The following MAML3 variants were observed in gnomAD, a reference collection of about 807,000 sequenced individuals.
The protein encoded by MAML3 is mastermind-like protein 3.
In MAML3, 27 loss-of-function variants were observed where a neutral mutation model predicts 101.9. The ratio of observed to expected loss-of-function variants is 0.27; its 90% confidence interval spans 0.20 to 0.37. The LOEUF is 0.37. Among genes scored for constraint, MAML3 ranks in the 10% least tolerant of loss-of-function variants. MAML3 has a pLI of 1.00. For missense variants in MAML3, 1,316 were observed against 1,444.9 expected, an observed-to-expected ratio of 0.91 and a Z score of 1.45; for synonymous variants, 501 against 555.9, an observed-to-expected ratio of 0.90 and a Z score of 1.39.
At chr4:139,969,955 C>T (rs138548371) in intron 1 of MAML3, among the ~76,000 whole-genome samples, 352 of 152,298 alleles carry the variant, frequency 2.3e-3, no homozygotes, top group Non-Finnish European at 3.8e-3. Flanking sequence ...ATCAAGTTTT[C>T]AGACCTTGAT....
chr4:140,078,155 C>A (rs1727806786), intron 1 of MAML3, among the ~76,000 whole-genome samples: 1 of 152,116 alleles, frequency 6.6e-6, no homozygotes, highest in African/African-American at 2.4e-5. Flanking sequence ...GTCCTTGTAA[C>A]AGGGTCTGAA....
chr4:140,117,141 G>C (rs1201773495), intron 1 of MAML3, among the ~76,000 whole-genome samples: 2 of 152,266 alleles, frequency 1.3e-5, no homozygotes, highest in East Asian at 3.9e-4. Context: ...GTGTGATCTG[G>C]GGTGATTTTT....
chr4:140,098,267 A>G (rs936949127), intron 1 of MAML3, among the ~76,000 whole-genome samples: 4 of 152,330 alleles, frequency 2.6e-5, no homozygotes, highest in Middle Eastern at 3.4e-3. Flanking sequence ...TCCGAGCTCT[A>G]TTACATACAA....
At chr4:140,084,134 G>T (rs1727913320) in intron 1 of MAML3, among the ~76,000 whole-genome samples, 1 of 152,120 alleles carries the variant, frequency 6.6e-6, no homozygotes, top group South Asian at 2.1e-4. Flanking sequence ...TTTATTGGAT[G>T]AATGCATGAA....
chr4:139,990,283 G>T (rs979452740), intron 1 of MAML3, among the ~76,000 whole-genome samples: 8 of 152,140 alleles, frequency 5.3e-5, no homozygotes, highest in Non-Finnish European at 1.0e-4. Flanking sequence ...CATATAAACA[G>T]AACCAAAGAC....
chr4:140,110,781 G>C (rs1728427391), intron 1 of MAML3, among the ~76,000 whole-genome samples: 1 of 152,168 alleles, frequency 6.6e-6, no homozygotes, highest in Non-Finnish European at 1.5e-5. Context: ...TTGAATGTCA[G>C]TCATTTCCAC....
intron 1 of MAML3, among the ~76,000 whole-genome samples, chr4:139,955,227 TG>T (rs944138570): frequency 4.6e-5 from 7 of 152,192 alleles, no homozygotes; most frequent in African/African-American, 1.7e-4. Flanking sequence ...GCTTATTCCC[TG>T]GGAAATAAAC....
chr4:140,098,947 A>G (rs1201069624), intron 1 of MAML3, among the ~76,000 whole-genome samples: 2 of 151,992 alleles, frequency 1.3e-5, no homozygotes, highest in Non-Finnish European at 2.9e-5. Context: ...TCTCTGACTC[A>G]TTTTTACTTT....
At chr4:140,059,464 G>T (rs565698348) in intron 1 of MAML3, among the ~76,000 whole-genome samples, 1 of 152,204 alleles carries the variant, frequency 6.6e-6, no homozygotes, top group African/African-American at 2.4e-5. Flanking sequence ...ATGTGCTCAG[G>T]AACAGCTGCT....
At chr4:140,122,668 TG>T (rs1728625377) in intron 1 of MAML3, among the ~76,000 whole-genome samples, 1 of 150,608 alleles carries the variant, frequency 6.6e-6, no homozygotes, top group Non-Finnish European at 1.5e-5. Flanking sequence ...GGCGGGCGCC[TG>T]TAGTCCCAGC....
intron 2 of MAML3, among the ~76,000 whole-genome samples, chr4:139,738,838 GT>G (rs1729054169): frequency 1.3e-5 from 2 of 152,210 alleles, no homozygotes; most frequent in Admixed American, 1.3e-4. Context: ...TTTCCTCCTA[GT>G]TTTATCCCAG....
intron 1 of MAML3, among the ~76,000 whole-genome samples, chr4:140,018,592 C>T (rs1190382130): frequency 1.3e-5 from 2 of 152,122 alleles, no homozygotes; most frequent in East Asian, 1.9e-4. Flanking sequence ...TTGCTTGCAG[C>T]CATGCTTACT....
chr4:139,898,329 AG>A (rs563230057), intron 1 of MAML3, among the ~76,000 whole-genome samples: 1 of 152,238 alleles, frequency 6.6e-6, no homozygotes, highest in Non-Finnish European at 1.5e-5. Context: ...GAGGACTCTA[AG>A]GGTCCAGGGA....
chr4:140,104,888 T>C (rs1289691943), intron 1 of MAML3, among the ~76,000 whole-genome samples: 1 of 152,172 alleles, frequency 6.6e-6, no homozygotes, highest in Non-Finnish European at 1.5e-5. Flanking sequence ...GATTTAAAGT[T>C]ACATATTTTT....
Position 139,730,430 on chromosome 4 carries a change from T to TCTGCTG in MAML3, c.2311_2316dup (p.Gln771_Gln772dup), listed in dbSNP as rs3051167. On this transcript the variant is annotated inframe_insertion, in exon 3 of 5. Transcript: ENST00000509479. ...GGGCATGTTACCTGTTCCGCCAAAATCTGCTGCTGCTGCTGCTGCTGCTGC... is the reference window on the plus strand; with the variant it reads ...GGGCATGTTACCTGTTCCGCCAAAATCTGCTGCTGCTGCTGCTGCTGCTGCTGCTGC... The TCTGCTG allele has an allele frequency of 4.8e-5, 70 of 1,456,192 alleles. No homozygotes were observed. The East Asian group carries it at 1.3e-3, about 28-fold the overall frequency. 90.2% of individuals were successfully genotyped at this position (1,456,192 alleles called of 1,614,324 possible).
intron 2 of MAML3, among the ~76,000 whole-genome samples, chr4:139,791,066 TTAGA>T (rs1328820122): frequency 2.6e-5 from 4 of 152,212 alleles, no homozygotes; most frequent in African/African-American, 4.8e-5. Context: ...TAAAGATAAC[TTAGA>T]TAGATATTTT....
At chr4:139,848,493 AAC>A in intron 2 of MAML3, among the ~76,000 whole-genome samples, 1 of 152,372 alleles carries the variant, frequency 6.6e-6, no homozygotes, top group Non-Finnish European at 1.5e-5. Flanking sequence ...AACAACATTG[AAC>A]ACACCAGCAA....
intron 1 of MAML3, among the ~76,000 whole-genome samples, chr4:140,093,424 T>TG: frequency 1.3e-5 from 2 of 148,834 alleles, no homozygotes; most frequent in East Asian, 3.9e-4. Flanking sequence ...TTGTTTTTTT[T>TG]TTTTTTTTTT....
chr4:139,792,563 A>T (rs769405508), intron 2 of MAML3, among the ~76,000 whole-genome samples: 6 of 152,192 alleles, frequency 3.9e-5, no homozygotes, highest in South Asian at 2.1e-4. Flanking sequence ...AAAATGTTAT[A>T]TACTTGCTGC....
Sources: allele counts gnomAD v4.1 joint callset (sites outside exome capture counted in the v4.1 genomes callset), GRCh38; gene constraint gnomAD v4.1.1; transcripts MANE v1.5; gene names NCBI Gene and HGNC (gene_info 2026-07-23, HGNC 2026-07-21).